ZFP82: variants seen among roughly 807,000 people sequenced by gnomAD.
ZFP82 encodes zinc finger protein 82 homolog.
ZFP82 carries 30 observed loss-of-function variants against 54.0 expected under a neutral mutation model. The observed-to-expected ratio is 0.56, with a 90% CI of 0.42 to 0.75. The LOEUF is 0.75. ZFP82 is among the 30% of genes least tolerant of loss of function. ZFP82 has a pLI of 0.00. For missense variants in ZFP82, 500 were observed against 636.8 expected (o/e 0.79, Z 2.31); for synonymous variants, 194 against 209.5 (o/e 0.93, Z 0.64).
chr19:36,402,379 G>T (rs894566557), intron 4 of ZFP82, among the ~76,000 whole-genome samples: 1 of 139,468 alleles, frequency 7.2e-6, no homozygotes, highest in Admixed American at 8.1e-5. Context: ...TGAGGCAAGA[G>T]AACGGCGTGA....
intron 2 of ZFP82, 69 bp downstream of exon 2, chr19:36,409,712 G>T: frequency 6.4e-7 from 1 of 1,552,740 alleles, no homozygotes. Flanking sequence ...TAGTAAGGAA[G>T]TTTCAGAATA....
At chr19:36,415,555 T>C (rs2032656376) in intron 1 of ZFP82, among the ~76,000 whole-genome samples, 1 of 152,090 alleles carries the variant, frequency 6.6e-6, no homozygotes, top group Non-Finnish European at 1.5e-5. Context: ...GCCCAGCTAA[T>C]TTTTCTATTT....
chr19:36,412,074 A>G (rs931274339), intron 1 of ZFP82, among the ~76,000 whole-genome samples: 1 of 39,046 alleles, frequency 2.6e-5, no homozygotes, highest in African/African-American at 6.5e-5. Flanking sequence ...ACGTGAGAGA[A>G]ACAGAGAGAG....
At chr19:36,387,073 T>C (rs529658242), downstream of ZFP82, among the ~76,000 whole-genome samples, 4 of 152,222 alleles carry the variant, frequency 2.6e-5, no homozygotes, top group Non-Finnish European at 5.9e-5. Context: ...TGGGAGTAAA[T>C]ATCTTGCTTG....
intron 4 of ZFP82, among the ~76,000 whole-genome samples, chr19:36,396,842 T>TC (rs1266047138): frequency 1.2e-5 from 1 of 85,206 alleles, no homozygotes; most frequent in Admixed American, 1.3e-4. Flanking sequence ...CTCTGTTTCT[T>TC]TAAAAAAAAA....
chr19:36,404,153 G>C (rs918869379), intron 4 of ZFP82, among the ~76,000 whole-genome samples: 1 of 152,156 alleles, frequency 6.6e-6, no homozygotes, highest in African/African-American at 2.4e-5. Flanking sequence ...ACAGTGCCCA[G>C]CTCCAAGGCC....
At chr19:36,388,569 A>G (rs773412054), downstream of ZFP82, among the ~76,000 whole-genome samples, 42 of 152,114 alleles carry the variant, frequency 2.8e-4, no homozygotes, top group Non-Finnish European at 5.1e-4. Context: ...ACATTGAAAT[A>G]TATGTATATA....
In ZFP82 at chr19:36,394,163, C is replaced by T. The variant is rs183018537; in HGVS notation, c.230-53G>A. 8.4e-5 allele frequency: 120 copies of T among 1,433,428 alleles called. 1 individual carries two copies. In the East Asian group the frequency reaches 1.6e-3, roughly 19 times the overall value. The allele number at this position is 1,433,428 out of a possible 1,614,324, so 88.8% of individuals were successfully genotyped here. On this transcript the variant is annotated intron_variant, in intron 4 of 4. Transcript: ENST00000392161. The stretch of plus-strand genomic sequence containing the variant: ...TGCTGTTTTCTTTTACTAAAAGAAG[C>T]AACATTTCTAATGTAGAAATAAAAG...
chr19:36,394,209 C>A, intron 4 of ZFP82, 99 bp from the exon 5 acceptor site: 3 of 1,101,126 alleles, frequency 2.7e-6, no homozygotes, highest in South Asian at 1.5e-5. Context: ...TAATCCTTAA[C>A]CAAAACTCTA....
At chr19:36,414,057 C>T (rs570550050) in intron 1 of ZFP82, among the ~76,000 whole-genome samples, 2 of 152,008 alleles carry the variant, frequency 1.3e-5, no homozygotes, top group East Asian at 1.9e-4. Context: ...CCCGCCACCA[C>T]GCCCGGCTAA....
chr19:36,403,467 A>G (rs2032427721), intron 4 of ZFP82, among the ~76,000 whole-genome samples: 1 of 151,576 alleles, frequency 6.6e-6, no homozygotes, highest in Non-Finnish European at 1.5e-5. Context: ...AAAAATACAA[A>G]AAATTAGCCA....
chr19:36,401,197 G>A (rs1169694327), intron 4 of ZFP82, among the ~76,000 whole-genome samples: 1 of 151,784 alleles, frequency 6.6e-6, no homozygotes, highest in Non-Finnish European at 1.5e-5. Context: ...TCCCTAGTTG[G>A]TCACATCCAG....
Position 36,408,185 on chromosome 19 carries a change from T to A in ZFP82, c.10-172A>T, listed in dbSNP as rs8104241. On this transcript the variant is annotated intron_variant, in intron 2 of 4. Coordinates refer to ENST00000392161, the MANE Select transcript of ZFP82 (RefSeq NM_133466.4). ...GGAAATGAGTGTGCCTGAAGCAAAG[T>A]GCCTGGGTTCCCGAAGGATTCTGTT... 0.16 allele frequency among the ~76,000 whole-genome samples: 24,225 copies of A among 152,134 alleles called. 2,411 individuals are homozygous for A. Among genetic ancestry groups the A allele is most frequent in the Non-Finnish European group, 0.22 (14,697 of 67,986 alleles).
chr19:36,388,694 G>A lies in ZFP82; in HGVS notation c.*4047C>T, dbSNP rs1230219018. The stretch of plus-strand genomic sequence containing the variant: ...CAATAACTGCCAATTCTATATTAAT[G>A]TTCTTTTCAAAGAGAATATCCTTAG... On this transcript the variant is annotated 3_prime_UTR_variant, in exon 5 of 5. Coordinates refer to ENST00000392161, the MANE Select transcript of ZFP82 (RefSeq NM_133466.4). 6.6e-6 allele frequency among the ~76,000 whole-genome samples: 1 copy of A among 151,932 alleles called. No homozygotes were observed. Among genetic ancestry groups the A allele is most frequent in the Admixed American group, 6.6e-5 (1 of 15,256 alleles).
chr19:36,391,316 A>C lies in ZFP82; in HGVS notation c.*1425T>G, dbSNP rs2032195768. 6.6e-6 allele frequency: 1 copy of C among 152,090 alleles called. No homozygotes were observed. Among genetic ancestry groups the C allele is most frequent in the South Asian group, 2.1e-4 (1 of 4,820 alleles). 9.4% of individuals were successfully genotyped at this position (152,090 alleles called of 1,614,324 possible). On this transcript the variant is annotated 3_prime_UTR_variant, in exon 5 of 5. Transcript: ENST00000392161. The stretch of plus-strand genomic sequence containing the variant: ...GAGCCAATTTGAGGGGATTGCCTCA[A>C]AATGCTAAATTGACAATTTAGCATT...
intron 4 of ZFP82, among the ~76,000 whole-genome samples, chr19:36,397,798 G>C (rs1333603605): frequency 1.3e-5 from 2 of 151,996 alleles, no homozygotes; most frequent in South Asian, 4.2e-4. Context: ...ATCTTGGCCA[G>C]GCTGGTCTTG....
chr19:36,394,043 G>A lies in ZFP82; in HGVS notation c.297C>T (p.Ser99=). The change falls in exon 5 of 5, where the codon TCC becomes TCT. Residue 99 remains serine (S), a synonymous_variant. Coordinates refer to ENST00000392161, the MANE Select transcript of ZFP82 (RefSeq NM_133466.4). ...LENDIYEINL[S]QWKIMERIEN... ...CAATTCTTTCCATTATCTTCCACTG[G>A]GATAAATTTATTTCATAAATGTCAT... 1 of 1,610,646 alleles carries A rather than the reference G, an allele frequency of 6.2e-7. No homozygotes were observed. Among genetic ancestry groups the A allele is most frequent in the Non-Finnish European group, 8.5e-7 (1 of 1,179,064 alleles).
At position 36,393,647 on chromosome 19, in the gene ZFP82, A is replaced by G. The variant is rs1191806242; in HGVS notation, c.693T>C (p.Cys231=). The change falls in exon 5 of 5, where the codon TGT becomes TGC. Residue 231 remains cysteine, a synonymous_variant. Coordinates refer to ENST00000392161, the MANE Select transcript of ZFP82 (RefSeq NM_133466.4). ...SGEKLYECKE[C]GEAFICGADL... ...CTGCACCACATATGAAAGCTTCCCC[A>G]CATTCCTTACATTCATAGAGTTTTT... 3.7e-6 allele frequency: 6 copies of G among 1,613,890 alleles called. No individual in the cohort carries two copies. Among genetic ancestry groups the G allele is most frequent in the Non-Finnish European group, 5.1e-6 (6 of 1,180,018 alleles).
At chr19:36,400,593 C>A (rs575389270) in intron 4 of ZFP82, among the ~76,000 whole-genome samples, 49 of 152,276 alleles carry the variant, frequency 3.2e-4, no homozygotes, top group African/African-American at 1.2e-3. Context: ...CCTGAGCAAC[C>A]TACCTGCACA....
Sources: allele counts gnomAD v4.1 joint callset (sites outside exome capture counted in the v4.1 genomes callset), GRCh38; gene constraint gnomAD v4.1.1; transcripts MANE v1.5; gene names NCBI Gene and HGNC (gene_info 2026-07-23, HGNC 2026-07-21).